PLEK: variants seen among roughly 807,000 people sequenced by gnomAD.
The protein encoded by PLEK is platelet 47 kDa protein.
In PLEK, 25 loss-of-function variants were observed where a neutral mutation model predicts 43.9. The ratio of observed to expected loss-of-function variants is 0.57; its 90% CI spans 0.41 to 0.79. PLEK has a LOEUF of 0.79. Ranked by LOEUF, PLEK falls within the 30% of genes least tolerant of loss-of-function variation. The pLI is 0.00. For missense variants in PLEK, 396 were observed against 413.3 expected, an observed-to-expected ratio of 0.96 and a Z score of 0.36; for synonymous variants, 152 against 144.4, an observed-to-expected ratio of 1.05 and a Z score of -0.38.
At chr2:68,379,541 T>C (rs552537371) in intron 1 of PLEK, among the ~76,000 whole-genome samples, 8 of 151,890 alleles carry the variant, frequency 5.3e-5, no homozygotes, top group African/African-American at 1.5e-4. Flanking sequence ...TCTAAGATCA[T>C]GTGTCAGATG....
chr2:68,368,070 G>T (rs1158351266), intron 1 of PLEK, among the ~76,000 whole-genome samples: 3 of 152,174 alleles, frequency 2.0e-5, no homozygotes, highest in African/African-American at 7.2e-5. Flanking sequence ...AAACGTTTCT[G>T]CTTTTCTTCT....
chr2:68,387,418 T>C (rs569377801), intron 5 of PLEK, among the ~76,000 whole-genome samples: 1 of 152,330 alleles, frequency 6.6e-6, no homozygotes, highest in Admixed American at 6.5e-5. Flanking sequence ...CAGCTTCCTT[T>C]CCAGACAGGA....
rs906419028 is a variant in PLEK at position 68,397,350 on chromosome 2, C to A, written c.*1534C>A. 1.3e-5 allele frequency: 2 copies of A among 152,016 alleles called. No individual in the cohort carries two copies. Among genetic ancestry groups the A allele is most frequent in the Admixed American group, 6.6e-5 (1 of 15,246 alleles). 9.4% of individuals were successfully genotyped at this position (152,016 alleles called of 1,614,324 possible). A position where few individuals can be genotyped will look rare whatever the true frequency, so the allele number is the denominator to read the frequency against. On this transcript the variant is annotated 3_prime_UTR_variant, in exon 9 of 9. Transcript: ENST00000234313. The stretch of plus-strand genomic sequence containing the variant: ...TTTCTCTGATTCTTTAATAAATTAT[C>A]TTTATAGAATATGCACAAGTTTTTC...
chr2:68,392,995 C>T (rs1673889983), intron 6 of PLEK, among the ~76,000 whole-genome samples, 167 bp from the exon 7 acceptor site: 1 of 152,208 alleles, frequency 6.6e-6, no homozygotes. Context: ...GGCTGTAGCA[C>T]TATCTCCCTG....
At chr2:68,388,532 A>G (rs751518783) in intron 6 of PLEK, 41 bp downstream of exon 6, 1 of 1,042,412 alleles carries the variant, frequency 9.6e-7, no homozygotes, top group Non-Finnish European at 1.5e-6. Context: ...TTTTCCCTTT[A>G]CAAGGTCCTT....
At chr2:68,372,692 C>A (rs1353889679) in intron 1 of PLEK, among the ~76,000 whole-genome samples, 2 of 152,106 alleles carry the variant, frequency 1.3e-5, no homozygotes, top group Admixed American at 1.3e-4. Flanking sequence ...TACACACACA[C>A]ATGCACACAC....
At chr2:68,376,577 G>A (rs1673505351) in intron 1 of PLEK, among the ~76,000 whole-genome samples, 1 of 102,816 alleles carries the variant, frequency 9.7e-6, no homozygotes, top group Admixed American at 1.1e-4. Flanking sequence ...TATTTATTCA[G>A]TCTTATCTAT....
chr2:68,395,937 G>T lies in PLEK; in HGVS notation c.*121G>T. ...GCCCAGGGGTGGGAAGTTTTCATTT[G>T]CAGGGGGGTCTGAATGTAACTCACC... On this transcript the variant is annotated 3_prime_UTR_variant, in exon 9 of 9. Transcript: ENST00000234313. 1 of 835,488 alleles carries T rather than the reference G, an allele frequency of 1.2e-6. No individual in the cohort carries two copies. The highest frequency in any genetic ancestry group is 1.9e-6 in the Non-Finnish European group (1 of 513,528). The allele number at this position is 835,488 out of a possible 1,614,324, so 51.8% of individuals were successfully genotyped here. A position where few individuals can be genotyped will look rare whatever the true frequency, so the allele number is the denominator to read the frequency against.
chr2:68,375,396 G>A (rs932790802), intron 1 of PLEK, among the ~76,000 whole-genome samples: 1 of 152,090 alleles, frequency 6.6e-6, no homozygotes, highest in African/African-American at 2.4e-5. Context: ...TTTTCTTATT[G>A]ATTTGCAGGA....
chr2:68,393,216 G>C lies in PLEK; in HGVS notation c.817G>C (p.Ala273Pro), dbSNP rs768453348. Residue 273 changes from alanine to proline, a missense_variant, in exon 7 of 9, where the codon GCC becomes CCC. By Grantham distance (27) the Ala-to-Pro change is conservative (BLOSUM62 -1). Transcript: ENST00000234313. ...VRKFILREDP[A>P]YLHYYDPAGA... ...GAAGTTCATCTTGAGAGAAGACCCT[G>C]CCTACCTGCACTACTATGACCCTGC... 1.9e-6 allele frequency: 3 copies of C among 1,612,272 alleles called. No individual in the cohort carries two copies. The highest frequency in any genetic ancestry group is 1.7e-5 in the Admixed American group (1 of 60,012).
chr2:68,391,745 C>T (rs1673863117), intron 6 of PLEK, among the ~76,000 whole-genome samples: 1 of 152,230 alleles, frequency 6.6e-6, no homozygotes, highest in Non-Finnish European at 1.5e-5. Context: ...AATTTGTATA[C>T]ATGCTTGCCA....
intron 1 of PLEK, 55 bp downstream of exon 1, chr2:68,365,448 G>A: frequency 1.4e-6 from 2 of 1,414,188 alleles, no homozygotes; most frequent in Non-Finnish European, 2.0e-6. Flanking sequence ...GGGGAGACTT[G>A]GGTTCAGCTC....
At chr2:68,390,879 C>A (rs1673845068) in intron 6 of PLEK, among the ~76,000 whole-genome samples, 1 of 152,196 alleles carries the variant, frequency 6.6e-6, no homozygotes, top group Admixed American at 6.5e-5. Context: ...AGATTATATT[C>A]AGTATAATCC....
intron 8 of PLEK, 60 bp downstream of exon 8, chr2:68,394,236 A>G (rs558627537): frequency 2.8e-5 from 26 of 940,430 alleles, no homozygotes; most frequent in Non-Finnish European, 4.2e-5. Context: ...CCACACCTGG[A>G]CATCCTGGGC....
chr2:68,386,731 C>T (rs1476913636), intron 5 of PLEK, 45 bp downstream of exon 5: 1 of 1,447,508 alleles, frequency 6.9e-7, no homozygotes, highest in Admixed American at 1.7e-5. Context: ...GGAGGCTGCC[C>T]TGAGCAGATT....
chr2:68,374,460 GGT>G, intron 1 of PLEK, among the ~76,000 whole-genome samples: 1 of 152,112 alleles, frequency 6.6e-6, no homozygotes, highest in South Asian at 2.1e-4. Context: ...CTTGAAGGGT[GGT>G]GTTACTATAA....
At chr2:68,371,363 A>G (rs1461356108) in intron 1 of PLEK, among the ~76,000 whole-genome samples, 1 of 152,184 alleles carries the variant, frequency 6.6e-6, no homozygotes, top group Non-Finnish European at 1.5e-5. Flanking sequence ...TTCCTCCAAC[A>G]GTTAGAGAGA....
chr2:68,367,646 A>G (rs1244319364), intron 1 of PLEK, among the ~76,000 whole-genome samples: 1 of 152,254 alleles, frequency 6.6e-6, no homozygotes, highest in African/African-American at 2.4e-5. Context: ...ATTGGTGTAC[A>G]TAAGCTGCAT....
At chr2:68,376,102 G>T (rs1034994968) in intron 1 of PLEK, among the ~76,000 whole-genome samples, 2 of 152,082 alleles carry the variant, frequency 1.3e-5, no homozygotes, top group Non-Finnish European at 2.9e-5. Flanking sequence ...GCAACTGCAG[G>T]GTGCATGCCA....
Sources: allele counts gnomAD v4.1 joint callset (sites outside exome capture counted in the v4.1 genomes callset), GRCh38; gene constraint gnomAD v4.1.1; transcripts MANE v1.5; gene names NCBI Gene and HGNC (gene_info 2026-07-23, HGNC 2026-07-21).